TLR9: variants seen among roughly 807,000 people sequenced by gnomAD.
The protein encoded by TLR9 is toll like receptor 9, also known as toll-like receptor 9.
A neutral mutation model predicts 24.6 loss-of-function variants in TLR9; 19 were observed. That is an observed-to-expected ratio of 0.77 (90% CI 0.54 to 1.13). TLR9 has a LOEUF of 1.13. Ranked by LOEUF, TLR9 falls within the 50% of genes most tolerant of loss-of-function variation. TLR9 has a pLI of 0.00. For synonymous variants in TLR9, 579 were observed against 609.8 expected, an observed-to-expected ratio of 0.95 and a Z score of 0.74; for missense variants, 1,065 against 1,379.6, an observed-to-expected ratio of 0.77 and a Z score of 3.61.
chr3:52,222,538 T>G lies in TLR9; in HGVS notation c.1778A>C (p.Gln593Pro). The G allele has an allele frequency of 6.2e-7, 1 of 1,614,210 alleles. No individual in the cohort carries two copies. The highest frequency in any genetic ancestry group is 8.5e-7 in the Non-Finnish European group (1 of 1,180,032). The change falls in exon 2 of 2, where the codon CAG (glutamine) becomes CCG (proline). Residue 593 changes from glutamine (Q) to proline (P), a missense_variant. Transcript: ENST00000360658. ...CCGCAGCGACGTACTGCAGAGCTGCTGGGACACTTGGCTGTGGATGTTGTT... is the reference window on the plus strand; with the variant it reads ...CCGCAGCGACGTACTGCAGAGCTGCGGGGACACTTGGCTGTGGATGTTGTT... ...AHNNIHSQVS[Q>P]QLCSTSLRAL...
rs1293541461 is a variant in TLR9 at position 52,222,461 on chromosome 3, G to A, written c.1855C>T (p.Leu619Phe). 1.2e-6 allele frequency: 2 copies of A among 1,614,112 alleles called. No homozygotes were observed. Among genetic ancestry groups the A allele is most frequent in the East Asian group, 4.5e-5 (2 of 44,892 alleles). ...ALGHMWAEGD[L>F]YLHFFQGLSG... ...AGGCCTTGGAAGAAGTGCAGATAGA[G>A]GTCTCCCTCGGCCCACATATGGCCC... The change falls in exon 2 of 2, where the codon CTC becomes TTC. Residue 619 changes from leucine to phenylalanine, a missense_variant. By Grantham distance (22) the Leu-to-Phe change is conservative (BLOSUM62 0). Transcript: ENST00000360658.
In TLR9 at chr3:52,224,119, G is replaced by A. The variant is rs189941642; in HGVS notation, c.197C>T (p.Thr66Ile). 4 of 1,572,722 alleles carry A rather than the reference G, an allele frequency of 2.5e-6. No homozygotes were observed. In the East Asian group the frequency reaches 9.0e-5, roughly 36 times the overall value. ...GCGGTTGGAGGACAAGGAAAGGCTG[G>A]TGACATTGCCACGGGGTGCTGCCAT... ...FSMAAPRGNV[T>I]SLSLSSNRIH... Residue 66 changes from threonine to isoleucine, a missense_variant, in exon 2 of 2, where the codon ACC becomes ATC. By Grantham distance (89) the Thr-to-Ile change is moderately conservative. Transcript: ENST00000360658.
At position 52,221,915 on chromosome 3, in the gene TLR9, T is replaced by C. The variant is rs1254469127; in HGVS notation, c.2401A>G (p.Ile801Val). 1.2e-6 allele frequency: 2 copies of C among 1,613,336 alleles called. No homozygotes were observed. Among genetic ancestry groups the C allele is most frequent in the Non-Finnish European group, 1.7e-6 (2 of 1,179,808 alleles). The change falls in exon 2 of 2, where the codon ATC becomes GTC. Residue 801 changes from isoleucine to valine, a missense_variant. Transcript: ENST00000360658. The surrounding 1 kb of genome is among the most constrained non-coding windows in gnomAD (Gnocchi z 9.9). ...CAGAGGCGCAGGTCCTGTGCAAAGA[T>C]GCTGAGGCCCTGGAGCTGGCCCGGA... ...GSPGQLQGLS[I>V]FAQDLRLCLD...
chr3:52,223,291 G>A lies in TLR9; in HGVS notation c.1025C>T (p.Ser342Phe), dbSNP rs765584183. 1 of 1,614,228 alleles carries A rather than the reference G, an allele frequency of 6.2e-7. No homozygotes were observed. The highest frequency in any genetic ancestry group is 8.5e-7 in the Non-Finnish European group (1 of 1,180,032). ...GLTQLRKLNL[S>F]FNYQKRVSFA... ...GGACACCCTCTTTTGGTAATTGAAG[G>A]ACAGGTTAAGCTTGCGCAGCTGTGT... Residue 342 changes from serine to phenylalanine, a missense_variant, in exon 2 of 2, where the codon TCC becomes TTC. By Grantham distance (155) the Ser-to-Phe change is radical. Transcript: ENST00000360658.
rs1559437338 is a variant in TLR9, at chr3:52,222,387, GA to G, written c.1928del (p.Leu643ProfsTer47). 6.2e-7 allele frequency: 1 copy of G among 1,614,246 alleles called. No individual in the cohort carries two copies. Among genetic ancestry groups the G allele is most frequent in the Admixed American group, 1.7e-5 (1 of 60,038 alleles). On this transcript the variant is annotated frameshift_variant, in exon 2 of 2. Transcript: ENST00000360658. LOFTEE classifies it low-confidence loss of function (END_TRUNC). ...GGAGGTTGCGCAGGGTTTGGGGCAGGAGGGTGTGCAGGCGGTTCTGGGACAA... is the reference window on the plus strand; with the variant it reads ...GGAGGTTGCGCAGGGTTTGGGGCAGGGGGTGTGCAGGCGGTTCTGGGACAA... ...LDLSQNRLHT[L>X]LPQTLRNLPK...
In TLR9 at chr3:52,221,863, C is replaced by T. The variant is rs779293320; in HGVS notation, c.2453G>A (p.Cys818Tyr). 3 of 1,613,858 alleles carry T rather than the reference C, an allele frequency of 1.9e-6. No individual in the cohort carries two copies. The East Asian group carries it at 6.7e-5, about 36-fold the overall frequency. ...CACAGCCAGCAGCGAGAGGGCGAAA[C>T]AGTCCCAGGAGAGGGCCTCATCCAG... ...LCLDEALSWDCFALSLLAVAL... is the reference protein window; with the variant it reads ...LCLDEALSWDYFALSLLAVAL... Residue 818 changes from cysteine (C) to tyrosine (Y), a missense_variant, in exon 2 of 2, where the codon TGT (cysteine) becomes TAT (tyrosine). By Grantham distance (194) the Cys-to-Tyr change is radical. Coordinates refer to ENST00000360658, the MANE Select transcript of TLR9 (RefSeq NM_017442.4). The surrounding 1 kb of genome is among the most constrained non-coding windows in gnomAD (Gnocchi z 9.9).
rs774416818 is a variant in TLR9, at chr3:52,221,568, G to T, written c.2748C>A (p.Gly916=). Residue 916 remains glycine (G), a synonymous_variant, in exon 2 of 2, where the codon GGC becomes GGA. Transcript: ENST00000360658. This position sits in a 1 kb window ranked among gnomAD's most constrained non-coding sequence, Gnocchi z 9.9. Reference sequence around the variant, plus strand: ...CCCACAGGTTCTCAAAGAGGGTTTTGCCAGGCAGCCAGTCGCGTTCCTCCA... The same window carrying T: ...CCCACAGGTTCTCAAAGAGGGTTTTTCCAGGCAGCCAGTCGCGTTCCTCCA... ...LCLEERDWLP[G]KTLFENLWAS... 6.2e-7 allele frequency: 1 copy of T among 1,612,892 alleles called. No homozygotes were observed. Among genetic ancestry groups the T allele is most frequent in the South Asian group, 1.1e-5 (1 of 91,072 alleles).
Position 52,223,194 on chromosome 3 carries a change from G to T in TLR9, c.1122C>A (p.Ile374=). ...TGGTCTCATCGAGTGAGCGGAAGAA[G>T]ATGCCGTGCATGTCCAGCTCCTTCA... ...VALKELDMHG[I]FFRSLDETTL... The change falls in exon 2 of 2, where the codon ATC becomes ATA. Residue 374 remains isoleucine, a synonymous_variant. Coordinates refer to ENST00000360658, the MANE Select transcript of TLR9 (RefSeq NM_017442.4). 1.2e-6 allele frequency: 2 copies of T among 1,613,700 alleles called. No individual in the cohort carries two copies. The highest frequency in any genetic ancestry group is 1.7e-6 in the Non-Finnish European group (2 of 1,179,716).
chr3:52,221,128 G>T lies in TLR9; in HGVS notation c.*89C>A. ...GTGCCTGCTCTGTGTCAGGTGTGGG[G>T]TGAGGGAGGCGAGCAGGGGAGGGTC... On this transcript the variant is annotated 3_prime_UTR_variant, in exon 2 of 2. Coordinates refer to ENST00000360658, the MANE Select transcript of TLR9 (RefSeq NM_017442.4). This position sits in a 1 kb window ranked among gnomAD's most constrained non-coding sequence, Gnocchi z 9.9. The T allele has an allele frequency of 2.4e-6, 3 of 1,250,132 alleles. No individual in the cohort carries two copies. The highest frequency in any genetic ancestry group is 1.6e-5 in the South Asian group (1 of 62,678). The allele number at this position is 1,250,132 out of a possible 1,614,324, so 77.4% of individuals were successfully genotyped here.
In TLR9 at chr3:52,223,792, TC is replaced by T; in HGVS notation, c.523del (p.Asp175ThrfsTer69). The T allele has an allele frequency of 6.3e-7, 1 of 1,587,696 alleles. No individual in the cohort carries two copies. Among genetic ancestry groups the T allele is most frequent in the South Asian group, 1.1e-5 (1 of 87,576 alleles). ...GLHALRFLFM[D>X]GNCYYKNPCR... ...GGGGTTCTTGTAATAACAGTTGCCG[TC>T]CATGAATAGGAAGCGCAGGGCATGC... On this transcript the variant is annotated frameshift_variant, in exon 2 of 2. Transcript: ENST00000360658. LOFTEE classifies it low-confidence loss of function (END_TRUNC).
Position 52,221,466 on chromosome 3 carries a change from G to A in TLR9, c.2850C>T (p.Ser950=), listed in dbSNP as rs1159524635. 6.2e-7 allele frequency: 1 copy of A among 1,611,358 alleles called. No homozygotes were observed. Among genetic ancestry groups the A allele is most frequent in the South Asian group, 1.1e-5 (1 of 91,040 alleles). The part of the protein sequence containing the change: ...TDRVSGLLRA[S]FLLAQQRLLE... Reference sequence around the variant, plus strand: ...GCAGGCGCTGCTGGGCCAGCAGGAAGCTGGCGCGCAAGAGACCACTGACCC... The same window carrying A: ...GCAGGCGCTGCTGGGCCAGCAGGAAACTGGCGCGCAAGAGACCACTGACCC... Residue 950 remains serine (S), a synonymous_variant, in exon 2 of 2, where the codon AGC becomes AGT. Coordinates refer to ENST00000360658, the MANE Select transcript of TLR9 (RefSeq NM_017442.4). The surrounding 1 kb of genome is among the most constrained non-coding windows in gnomAD (Gnocchi z 9.9).
In TLR9 at chr3:52,224,251, A is replaced by G; in HGVS notation, c.65T>C (p.Met22Thr). 1 of 1,612,744 alleles carries G rather than the reference A, an allele frequency of 6.2e-7. No homozygotes were observed. Among genetic ancestry groups the G allele is most frequent in the Non-Finnish European group, 8.5e-7 (1 of 1,179,316 alleles). Residue 22 changes from methionine to threonine, a missense_variant, in exon 2 of 2, where the codon ATG becomes ACG. Coordinates refer to ENST00000360658, the MANE Select transcript of TLR9 (RefSeq NM_017442.4). Reference sequence around the variant, plus strand: ...AGGCAAGGTACCCAGGGCCAGGGTCATGGCCAGCATGATGGCCTGCACCAG... The same window carrying G: ...AGGCAAGGTACCCAGGGCCAGGGTCGTGGCCAGCATGATGGCCTGCACCAG... ...SLLVQAIMLAMTLALGTLPAF... is the reference protein window; with the variant it reads ...SLLVQAIMLATTLALGTLPAF...
intron 1 of TLR9, 34 bp from the exon 2 acceptor site, chr3:52,224,346 C>T (rs903001037): frequency 1.3e-6 from 2 of 1,498,546 alleles, no homozygotes; most frequent in African/African-American, 1.4e-5. Flanking sequence ...GAGTGGCCGG[C>T]CCCCAGCTCT....
rs1273083179 is a variant in TLR9 at position 52,221,362 on chromosome 3, T to TG, written c.2953dup (p.Gln985ProfsTer38). The TG allele has an allele frequency of 6.3e-7, 1 of 1,584,122 alleles. No homozygotes were observed. The highest frequency in any genetic ancestry group is 1.8e-5 in the Admixed American group (1 of 56,800). On this transcript the variant is annotated frameshift_variant, in exon 2 of 2. Transcript: ENST00000360658. LOFTEE classifies it high-confidence loss of function. This position sits in a 1 kb window ranked among gnomAD's most constrained non-coding sequence, Gnocchi z 9.9. The stretch of plus-strand genomic sequence containing the variant: ...GAGGACACTCTGGCGGCAGAGGCGC[T>TG]GGCGCAGCCGCACGTAGCGGGAGCG...
rs572391297 is a variant in TLR9 at position 52,225,182 on chromosome 3, T to TA, written c.3+344dup. On this transcript the variant is annotated intron_variant, in intron 1 of 1. Transcript: ENST00000360658. ...CAACATGGAGAAACCCTGGCTCTAC[T>TA]AAAAATACAAAATTAGCCAGGCATG... is the stretch of plus-strand genomic sequence containing the variant. 3.3e-4 allele frequency among the ~76,000 whole-genome samples: 50 copies of TA among 152,196 alleles called. 1 individual carries two copies. The East Asian group carries it at 7.7e-3, about 24-fold the overall frequency.
intron 1 of TLR9, 104 bp from the exon 2 acceptor site, chr3:52,224,416 C>T (rs1199273712): frequency 2.2e-6 from 2 of 915,806 alleles, no homozygotes; most frequent in Non-Finnish European, 3.3e-6. Context: ...TCTCTCCAAG[C>T]CCTACCTGCA....
rs372118821 is a variant in TLR9 at position 52,221,583 on chromosome 3, G to A, written c.2733C>T (p.Arg911=). The change falls in exon 2 of 2, where the codon CGC becomes CGT. Residue 911 remains arginine (R), a synonymous_variant. Coordinates refer to ENST00000360658, the MANE Select transcript of TLR9 (RefSeq NM_017442.4). This position sits in a 1 kb window ranked among gnomAD's most constrained non-coding sequence, Gnocchi z 9.9. ...RWALRLCLEE[R]DWLPGKTLFE... The stretch of plus-strand genomic sequence containing the variant: ...AGAGGGTTTTGCCAGGCAGCCAGTC[G>A]CGTTCCTCCAGGCACAGGCGGAGTG... The A allele has an allele frequency of 1.6e-5, 26 of 1,612,898 alleles. No homozygotes were observed. The highest frequency in any genetic ancestry group is 2.2e-5 in the East Asian group (1 of 44,884).
At position 52,222,810 on chromosome 3, in the gene TLR9, G is replaced by T. The variant is rs1408435318; in HGVS notation, c.1506C>A (p.Arg502=). The T allele has an allele frequency of 4.3e-6, 7 of 1,614,128 alleles. No individual in the cohort carries two copies. The highest frequency in any genetic ancestry group is 5.9e-6 in the Non-Finnish European group (7 of 1,180,002). The stretch of plus-strand genomic sequence containing the variant: ...CCTGCGAGATGCAGTTGTGGCTCAG[G>T]CGCAGGCACTGCAGGTGCGAGAGCT... ...FAQLSHLQCL[R]LSHNCISQAV... is the part of the protein sequence containing the mutation. The change falls in exon 2 of 2, where the codon CGC becomes CGA. Residue 502 remains arginine (R), a synonymous_variant. Transcript: ENST00000360658.
In TLR9 at chr3:52,222,082, A is replaced by G; in HGVS notation, c.2234T>C (p.Phe745Ser). The change falls in exon 2 of 2, where the codon TTT (phenylalanine) becomes TCT (serine). Residue 745 changes from phenylalanine (F) to serine (S), a missense_variant. Transcript: ENST00000360658. ...NALKTVDHSW[F>S]GPLASALQIL... Reference sequence around the variant, plus strand: ...TTGCAGGGCACTCGCCAGGGGCCCAAACCAGGAGTGGTCCACTGTCTTGAG... The same window carrying G: ...TTGCAGGGCACTCGCCAGGGGCCCAGACCAGGAGTGGTCCACTGTCTTGAG... 1 of 1,612,694 alleles carries G rather than the reference A, an allele frequency of 6.2e-7. No individual in the cohort carries two copies. The highest frequency in any genetic ancestry group is 1.7e-5 in the Admixed American group (1 of 59,846).
Sources: allele counts gnomAD v4.1 joint callset (sites outside exome capture counted in the v4.1 genomes callset), GRCh38; gene constraint gnomAD v4.1.1; non-coding constraint Gnocchi (gnomAD v3.1); transcripts MANE v1.5; gene names NCBI Gene and HGNC (gene_info 2026-07-23, HGNC 2026-07-21).